PFKFB3: variants seen among roughly 807,000 people sequenced by gnomAD.
PFKFB3 encodes the protein 6-phosphofructo-2-kinase/fructose-2,6-bisphosphatase 3.
Under a neutral mutation model 68.0 loss-of-function variants are expected in PFKFB3, and 33 were observed. The observed-to-expected ratio is 0.49, with a 90% CI of 0.37 to 0.65. The LOEUF (loss-of-function observed/expected upper bound fraction) is 0.65. PFKFB3 is among the 30% of genes least tolerant of loss of function. The pLI, the probability that PFKFB3 is intolerant of heterozygous loss-of-function variation, is 0.00. For missense variants in PFKFB3, 586 were observed against 712.2 expected (o/e 0.82, Z 2.02); for synonymous variants, 315 against 288.2 (o/e 1.09, Z -0.94).
At chr10:6,316,612 G>T in the PFKFB3 span, among the ~76,000 whole-genome samples, 1 of 152,000 alleles carries the variant, frequency 6.6e-6, no homozygotes, top group African/African-American at 2.4e-5. Context: ...TGAGTAGCTG[G>T]GATTACAGGC....
intron 3 of PFKFB3, 24 bp from the exon 4 acceptor site, chr10:6,216,101 C>T (rs375498227): frequency 2.1e-5 from 33 of 1,608,618 alleles, no homozygotes; most frequent in Non-Finnish European, 2.5e-5. Flanking sequence ...CGCTGACATT[C>T]GGGCAATGTC....
the PFKFB3 span, among the ~76,000 whole-genome samples, chr10:6,282,286 TG>T: frequency 2.6e-5 from 4 of 152,122 alleles, no homozygotes; most frequent in African/African-American, 9.7e-5. Context: ...TCCTCCTCTT[TG>T]GGTCAGATTC....
In PFKFB3 at chr10:6,192,528, G is replaced by A. The variant is rs1312405241; in HGVS notation, c.17-21095G>A. Among the ~76,000 whole-genome samples the A allele has an allele frequency of 3.3e-5, 5 of 152,220 alleles. No individual in the cohort carries two copies. The East Asian group carries it at 9.6e-4, about 29-fold the overall frequency. On this transcript the variant is annotated intron_variant, in intron 1 of 14. Transcript: ENST00000379789. ...TGTGTTTACACTGCAGTCATGGGCC[G>A]GCCTTGCCTGGCCCCTGCGGGTCAC...
chr10:6,274,576 G>A, the PFKFB3 span, among the ~76,000 whole-genome samples: 1 of 152,216 alleles, frequency 6.6e-6, no homozygotes, highest in Non-Finnish European at 1.5e-5. Context: ...GCTGGGTGTG[G>A]TGGCTCATGC....
rs1588464206 is a variant in PFKFB3 at position 6,203,015 on chromosome 10, G to C, written c.-246G>C. The stretch of plus-strand genomic sequence containing the variant: ...GCGCCCGAGCATCCCAGAGCTTTCC[G>C]AGCGGACGAGCCGGCCGTGCCGGGC... On this transcript the variant is annotated 5_prime_UTR_variant, in exon 1 of 15. Transcript: ENST00000379775. The C allele has an allele frequency of 1.5e-6, 2 of 1,366,024 alleles. No individual in the cohort carries two copies. The highest frequency in any genetic ancestry group is 3.1e-5 in the African/African-American group (2 of 64,756). 84.6% of individuals were successfully genotyped at this position (1,366,024 alleles called of 1,614,324 possible).
chr10:6,205,388 CTTTTTTTTTT>C lies in PFKFB3; in HGVS notation c.76+2065_76+2074del, dbSNP rs3084014. On this transcript the variant is annotated intron_variant, in intron 1 of 14. Transcript: ENST00000379775. ...ACATTGGGTGGGTTTTTCTTTCTTC[CTTTTTTTTTT>C]TTTTTTTTTTTTGACATGGCGTTTC... 7.5e-5 allele frequency among the ~76,000 whole-genome samples: 8 copies of C among 106,518 alleles called. 1 individual carries two copies. Among genetic ancestry groups the C allele is most frequent in the South Asian group, 6.2e-4 (2 of 3,214 alleles). The allele number at this position is 106,518 out of a possible 152,430, so 69.9% of individuals were successfully genotyped here.
At chr10:6,242,743 A>T (rs568246632) in intron 14 of PFKFB3, among the ~76,000 whole-genome samples, 1 of 152,130 alleles carries the variant, frequency 6.6e-6, no homozygotes, top group Non-Finnish European at 1.5e-5. Context: ...GCACACTACC[A>T]CACCCAGCTA....
chr10:6,288,207 T>C, the PFKFB3 span, among the ~76,000 whole-genome samples: 2 of 151,262 alleles, frequency 1.3e-5, no homozygotes, highest in East Asian at 3.8e-4. Context: ...TTTTTTTTTT[T>C]TAATTATTAT....
Position 6,223,944 on chromosome 10 carries a change from A to G in PFKFB3, c.1214-14A>G. 1 of 1,612,520 alleles carries G rather than the reference A, an allele frequency of 6.2e-7. No individual in the cohort carries two copies. The highest frequency in any genetic ancestry group is 1.1e-5 in the South Asian group (1 of 91,042). ...GTCTCATTTCTAACTGTGGGTGTAC[A>G]ATTTCAATTTCAGAGGAGATGCCCT... On this transcript the variant is annotated splice_polypyrimidine_tract_variant and intron_variant, in intron 11 of 14. Transcript: ENST00000379775.
At chr10:6,163,350 C>CT (rs979065191) in intron 1 of PFKFB3, among the ~76,000 whole-genome samples, 3 of 152,204 alleles carry the variant, frequency 2.0e-5, no homozygotes, top group South Asian at 2.1e-4. Flanking sequence ...GTGTATATTA[C>CT]TTTTTTTAAT....
rs191452996 is a variant in PFKFB3 at position 6,205,699 on chromosome 10, G to T, written c.76+2363G>T. ...TGAGCCACCACGCCCAGCTGGGTGGGTTTTCTTTCTCCTAAACTTGTTGCC... is the reference window on the plus strand; with the variant it reads ...TGAGCCACCACGCCCAGCTGGGTGGTTTTTCTTTCTCCTAAACTTGTTGCC... On this transcript the variant is annotated intron_variant, in intron 1 of 14. Coordinates refer to ENST00000379775, the MANE Select transcript of PFKFB3 (RefSeq NM_004566.4). Among the ~76,000 whole-genome samples, 120 of 152,186 alleles carry T rather than the reference G, an allele frequency of 7.9e-4. 1 individual carries two copies. In the East Asian group the frequency reaches 0.014, roughly 18 times the overall value.
chr10:6,291,021 T>C, the PFKFB3 span, among the ~76,000 whole-genome samples: 1 of 152,238 alleles, frequency 6.6e-6, no homozygotes, highest in African/African-American at 2.4e-5. Flanking sequence ...TCATTTTTTA[T>C]TTTTGTTTTT....
At chr10:6,269,701 AC>A in the PFKFB3 span, among the ~76,000 whole-genome samples, 1 of 152,194 alleles carries the variant, frequency 6.6e-6, no homozygotes, top group Admixed American at 6.5e-5. Context: ...CCAGGGGTAG[AC>A]ATTAAATGGC....
chr10:6,177,165 A>G (rs895088550), intron 1 of PFKFB3, among the ~76,000 whole-genome samples: 1 of 152,178 alleles, frequency 6.6e-6, no homozygotes, highest in African/African-American at 2.4e-5. Flanking sequence ...CCTTAGCTCT[A>G]CAGTGAACTC....
chr10:6,185,039 T>C (rs1351126902), intron 1 of PFKFB3, among the ~76,000 whole-genome samples: 2 of 152,188 alleles, frequency 1.3e-5, no homozygotes, highest in Admixed American at 1.3e-4. Flanking sequence ...TGGATCTCAA[T>C]TTATTGAAAC....
At chr10:6,194,461 A>G (rs1245473711) in intron 1 of PFKFB3, among the ~76,000 whole-genome samples, 2 of 152,178 alleles carry the variant, frequency 1.3e-5, no homozygotes, top group African/African-American at 4.8e-5. Context: ...TTTCAATGGG[A>G]CGTGACAGCT....
At chr10:6,278,356 A>G in the PFKFB3 span, among the ~76,000 whole-genome samples, 1 of 150,624 alleles carries the variant, frequency 6.6e-6, no homozygotes, top group East Asian at 2.0e-4. Flanking sequence ...GGTCACTGCA[A>G]CCTCCAACTC....
the PFKFB3 span, among the ~76,000 whole-genome samples, chr10:6,261,662 C>T: frequency 6.6e-6 from 1 of 151,982 alleles, no homozygotes; most frequent in Non-Finnish European, 1.5e-5. Context: ...AGTTTGAGAC[C>T]AGCCTGGCCA....
the PFKFB3 span, among the ~76,000 whole-genome samples, chr10:6,316,375 A>T: frequency 6.6e-6 from 1 of 152,248 alleles, no homozygotes; most frequent in East Asian, 1.9e-4. Flanking sequence ...AAGATCAATG[A>T]CTTCAAAAGG....
Sources: gnomAD v4.1 joint callset for allele counts (sites outside exome capture counted in the v4.1 genomes callset) on GRCh38, gnomAD v4.1.1 for gene constraint, MANE v1.5 for transcripts, NCBI Gene and HGNC (gene_info 2026-07-23, HGNC 2026-07-21) for gene names.